Variants in CCDC102B observed in about 807,000 individuals in gnomAD.
CCDC102B encodes the protein coiled-coil domain containing 102B.
CCDC102B carries 75 observed loss-of-function variants against 57.4 expected under a neutral mutation model. The ratio of observed to expected loss-of-function variants is 1.31; its 90% CI spans 1.08 to 1.58. The LOEUF (loss-of-function observed/expected upper bound fraction) is 1.58. Ranked by LOEUF, CCDC102B falls within the 40% of genes most tolerant of loss-of-function variation. CCDC102B has a pLI of 0.00. For missense variants in CCDC102B, 636 were observed against 582.6 expected, an observed-to-expected ratio of 1.09 and a Z score of -0.94; for synonymous variants, 206 against 201.9, an observed-to-expected ratio of 1.02 and a Z score of -0.17.
intron 4 of CCDC102B, among the ~76,000 whole-genome samples, chr18:68,864,762 G>A (rs944041908): frequency 6.6e-6 from 1 of 151,920 alleles, no homozygotes; most frequent in Non-Finnish European, 1.5e-5. Flanking sequence ...TTTTTGTACT[G>A]ATAATAAAAA....
chr18:68,801,232 A>G lies in CCDC102B; in HGVS notation c.-16+3051A>G, dbSNP rs186221416. On this transcript the variant is annotated intron_variant, in intron 1 of 7. Transcript: ENST00000360242. ...AGGTTGCATTCTAAGAATATATTCT[A>G]TAGAAGACATTTTGTATAACTAGTG... Among the ~76,000 whole-genome samples, 39 of 152,226 alleles carry G rather than the reference A, an allele frequency of 2.6e-4. No individual in the cohort carries two copies. The East Asian group carries it at 6.0e-3, about 23-fold the overall frequency.
intron 6 of CCDC102B, among the ~76,000 whole-genome samples, chr18:69,002,753 G>A (rs553042085): frequency 1.6e-4 from 24 of 151,942 alleles, no homozygotes; most frequent in Admixed American, 2.6e-4. Flanking sequence ...TTTTAGAAAC[G>A]ACGTATACTT....
intron 6 of CCDC102B, among the ~76,000 whole-genome samples, chr18:68,944,944 C>T (rs922307436): frequency 6.6e-6 from 1 of 151,940 alleles, no homozygotes; most frequent in African/African-American, 2.4e-5. Flanking sequence ...CTTGTGATTC[C>T]AGTTTCACCA....
chr18:68,736,843 T>C (rs1003221203), intron 2 of CCDC102B, among the ~76,000 whole-genome samples: 2 of 152,000 alleles, frequency 1.3e-5, no homozygotes, highest in Admixed American at 1.3e-4. Flanking sequence ...AGTTTGAGAT[T>C]TGGGTGGGGA....
chr18:68,926,603 G>A (rs201226282), intron 6 of CCDC102B, among the ~76,000 whole-genome samples: 2 of 151,766 alleles, frequency 1.3e-5, no homozygotes, highest in Non-Finnish European at 2.9e-5. Flanking sequence ...GTTATTTCAC[G>A]TATATTAAAA....
intron 5 of CCDC102B, among the ~76,000 whole-genome samples, chr18:68,889,585 A>G (rs1305433059): frequency 6.6e-6 from 1 of 151,394 alleles, no homozygotes; most frequent in Non-Finnish European, 1.5e-5. Flanking sequence ...ACACCCGGCT[A>G]ATTTTTGTTT....
intron 7 of CCDC102B, 126 bp downstream of exon 7, chr18:69,011,230 G>A (rs1001797033): frequency 1.1e-5 from 9 of 813,280 alleles, no homozygotes; most frequent in Non-Finnish European, 1.7e-5. Flanking sequence ...CTTAATGACT[G>A]AAATCAATTT....
At chr18:68,824,797 A>T (rs147446758) in intron 1 of CCDC102B, among the ~76,000 whole-genome samples, 24 of 152,320 alleles carry the variant, frequency 1.6e-4, no homozygotes, top group African/African-American at 4.8e-4. Flanking sequence ...TTATAATTTT[A>T]AAAAAATGTG....
At chr18:68,787,246 AT>A (rs1168681584) in intron 2 of CCDC102B, among the ~76,000 whole-genome samples, 2 of 150,312 alleles carry the variant, frequency 1.3e-5, no homozygotes, top group African/African-American at 2.5e-5. Flanking sequence ...TTTATTGAGG[AT>A]TTTTGCATCA....
Position 68,896,801 on chromosome 18 carries a change from G to A in CCDC102B, c.1054-418G>A, listed in dbSNP as rs149217758. Among the ~76,000 whole-genome samples, 32 of 151,942 alleles carry A rather than the reference G, an allele frequency of 2.1e-4. No individual in the cohort carries two copies. In the East Asian group the frequency reaches 5.8e-3, roughly 28 times the overall value. The stretch of plus-strand genomic sequence containing the variant: ...AGATAGAGATAGAGAGATCCATATA[G>A]CATCTGTCTATTCCCTAGATAATTG... On this transcript the variant is annotated intron_variant, in intron 5 of 7. Coordinates refer to ENST00000360242, the MANE Select transcript of CCDC102B (RefSeq NM_024781.3).
intron 2 of CCDC102B, among the ~76,000 whole-genome samples, chr18:68,756,953 C>T (rs1322327149): frequency 6.6e-6 from 1 of 151,624 alleles, no homozygotes; most frequent in Non-Finnish European, 1.5e-5. Flanking sequence ...GTAACCCAAC[C>T]AATAGAGCAT....
chr18:68,773,967 A>G (rs2034727365), intron 2 of CCDC102B, among the ~76,000 whole-genome samples: 1 of 152,160 alleles, frequency 6.6e-6, no homozygotes, highest in African/African-American at 2.4e-5. Context: ...TTCTTTCAAT[A>G]GTACCTATAA....
rs993919802 is a variant in CCDC102B at position 68,848,203 on chromosome 18, C to T, written c.936+1782C>T. On this transcript the variant is annotated intron_variant, in intron 4 of 7. Coordinates refer to ENST00000360242, the MANE Select transcript of CCDC102B (RefSeq NM_024781.3). The stretch of plus-strand genomic sequence containing the variant: ...ATAAGAGTAAAATATTCAAAGTCTC[C>T]GTACAGTTGATTGACAATCAGAAGG... Among the ~76,000 whole-genome samples the T allele has an allele frequency of 4.6e-5, 7 of 151,866 alleles. No homozygotes were observed. In the East Asian group the frequency reaches 9.7e-4, roughly 21 times the overall value.
intron 5 of CCDC102B, among the ~76,000 whole-genome samples, chr18:68,885,428 A>G (rs2039849967): frequency 6.6e-6 from 1 of 152,046 alleles, no homozygotes; most frequent in Non-Finnish European, 1.5e-5. Context: ...TACCAAAAAG[A>G]CAGAGCAAAG....
intron 7 of CCDC102B, 124 bp downstream of exon 7, chr18:69,011,228 C>A: frequency 2.4e-6 from 2 of 824,046 alleles, no homozygotes; most frequent in Non-Finnish European, 3.7e-6. Context: ...ATCTTAATGA[C>A]TGAAATCAAT....
intron 4 of CCDC102B, among the ~76,000 whole-genome samples, chr18:68,857,160 ATT>A (rs1272563228): frequency 0.012 from 479 of 41,402 alleles, 75 homozygotes; most frequent in Non-Finnish European, 0.015. Context: ...ATATTTATAT[ATT>A]TTTATATAAT....
rs1420028366 is a variant in CCDC102B, at chr18:68,857,262, TATAA to T, written c.936+10845_936+10848del. ...TAAATATATATTTATTATTTAAATA[TATAA>T]ATATATATATAATATATATTTATAT... On this transcript the variant is annotated intron_variant, in intron 4 of 7. Coordinates refer to ENST00000360242, the MANE Select transcript of CCDC102B (RefSeq NM_024781.3). Among the ~76,000 whole-genome samples the T allele has an allele frequency of 4.3e-3, 116 of 26,854 alleles. 17 individuals are homozygous for T. The highest frequency in any genetic ancestry group is 8.2e-3 in the African/African-American group (114 of 13,942). 17.6% of individuals were successfully genotyped at this position (26,854 alleles called of 152,430 possible). A position where few individuals can be genotyped will look rare whatever the true frequency, so the allele number is the denominator to read the frequency against.
chr18:68,777,212 A>C (rs2034851190), intron 2 of CCDC102B, among the ~76,000 whole-genome samples: 1 of 152,180 alleles, frequency 6.6e-6, no homozygotes, highest in Non-Finnish European at 1.5e-5. Context: ...TTCAACACTC[A>C]ATACAAGATC....
chr18:68,935,648 C>G (rs1425629532), intron 6 of CCDC102B, among the ~76,000 whole-genome samples: 1 of 151,780 alleles, frequency 6.6e-6, no homozygotes, highest in East Asian at 1.9e-4. Context: ...GGAAGAAATA[C>G]CCAGATGAAC....
Sources: gnomAD v4.1 joint callset for allele counts (sites outside exome capture counted in the v4.1 genomes callset) on GRCh38, gnomAD v4.1.1 for gene constraint, MANE v1.5 for transcripts, NCBI Gene and HGNC (gene_info 2026-07-23, HGNC 2026-07-21) for gene names.